The following PLGRKT variants were observed in gnomAD, a reference collection of about 807,000 sequenced individuals.
PLGRKT encodes the protein plasminogen receptor (KT).
In PLGRKT, 22 loss-of-function variants were observed where a neutral mutation model predicts 18.5. The observed-to-expected ratio is 1.19, with a 90% CI of 0.85 to 1.70. The LOEUF is 1.70. Among genes scored for constraint, PLGRKT ranks in the 40% most tolerant of loss-of-function variants. The probability of loss-of-function intolerance (pLI) is 0.00; values close to 1 mark genes in which losing one functional copy is unlikely to be tolerated. For synonymous variants in PLGRKT, 72 were observed against 52.8 expected (o/e 1.36, Z -1.58); for missense variants, 235 against 174.4 (o/e 1.35, Z -1.96).
chr9:5,411,894 A>C (rs73397140), intron 3 of PLGRKT, among the ~76,000 whole-genome samples: 1 of 152,218 alleles, frequency 6.6e-6, no homozygotes, highest in African/African-American at 2.4e-5. Flanking sequence ...AAATAAACTT[A>C]TAAGTTAATA....
intron 3 of PLGRKT, among the ~76,000 whole-genome samples, chr9:5,424,668 T>TTATATATATATATATGTA (rs1554634175): frequency 8.8e-6 from 1 of 113,170 alleles, no homozygotes; most frequent in African/African-American, 4.1e-5. Flanking sequence ...ATTATATATT[T>TTATATATATATATATGTA]TATATATATA....
Position 5,395,099 on chromosome 9 carries a change from G to C in PLGRKT, c.82-33211C>G, listed in dbSNP as rs145334367. Among the ~76,000 whole-genome samples, 177 of 134,102 alleles carry C rather than the reference G, an allele frequency of 1.3e-3. 2 individuals are homozygous for C. The highest frequency in any genetic ancestry group is 2.3e-3 in the Non-Finnish European group (146 of 62,246). 88.0% of individuals were successfully genotyped at this position (134,102 alleles called of 152,430 possible). ...CTTAGATTTTCCTAGTGGTGAAAAG[G>C]CTTTGCAAAAAAAAAAAAACTTAAT... On this transcript the variant is annotated intron_variant, in intron 3 of 5. Coordinates refer to ENST00000223864, the MANE Select transcript of PLGRKT (RefSeq NM_018465.4).
chr9:5,417,544 T>C (rs917866874), intron 3 of PLGRKT, among the ~76,000 whole-genome samples: 2 of 151,224 alleles, frequency 1.3e-5, no homozygotes, highest in South Asian at 4.2e-4. Context: ...ATTGAAAATG[T>C]GTGTGTCAAG....
intron 3 of PLGRKT, among the ~76,000 whole-genome samples, chr9:5,362,464 T>G (rs1817288682): frequency 6.6e-6 from 1 of 152,156 alleles, no homozygotes; most frequent in Admixed American, 6.5e-5. Context: ...GGCAGATGGC[T>G]CAGAACAGAG....
intron 3 of PLGRKT, among the ~76,000 whole-genome samples, chr9:5,404,023 T>C (rs888294055): frequency 6.6e-6 from 1 of 151,928 alleles, no homozygotes; most frequent in African/African-American, 2.4e-5. Context: ...AACTAGAAAA[T>C]CTAGAAGAAA....
intron 3 of PLGRKT, among the ~76,000 whole-genome samples, chr9:5,375,877 G>C (rs1487700305): frequency 6.6e-6 from 1 of 152,104 alleles, no homozygotes; most frequent in Non-Finnish European, 1.5e-5. Flanking sequence ...TGAAAGCAGG[G>C]ACTTGGACAG....
Position 5,361,148 on chromosome 9 carries a change from A to G in PLGRKT, c.252T>C (p.Ile84=). The G allele has an allele frequency of 6.2e-7, 1 of 1,611,388 alleles. No individual in the cohort carries two copies. The highest frequency in any genetic ancestry group is 8.5e-7 in the Non-Finnish European group (1 of 1,177,954). Residue 84 remains isoleucine (I), a synonymous_variant, in exon 5 of 6, where the codon ATT becomes ATC. Coordinates refer to ENST00000223864, the MANE Select transcript of PLGRKT (RefSeq NM_018465.4). ...AGGTGAGGATAAAGCTTAATGGAAC[A>G]ATCGGGACCAGGAAGGCTGGCTTCT... ...KKKKPAFLVP[I]VPLSFILTYQ... is the part of the protein sequence containing the mutation.
intron 3 of PLGRKT, among the ~76,000 whole-genome samples, chr9:5,416,831 T>C (rs1389134604): frequency 2.0e-5 from 3 of 152,194 alleles, no homozygotes; most frequent in Non-Finnish European, 4.4e-5. Context: ...TTATCTACCT[T>C]TGTAGAAAAG....
chr9:5,364,789 C>G (rs1312462949), intron 3 of PLGRKT, among the ~76,000 whole-genome samples: 1 of 152,136 alleles, frequency 6.6e-6, no homozygotes, highest in Non-Finnish European at 1.5e-5. Context: ...AGTAAATTGA[C>G]AGAAGATGGT....
intron 2 of PLGRKT, among the ~76,000 whole-genome samples, chr9:5,435,523 G>A (rs890869911): frequency 2.0e-5 from 3 of 152,058 alleles, no homozygotes; most frequent in Non-Finnish European, 4.4e-5. Flanking sequence ...CTCAAAAATG[G>A]AAAAACATAC....
rs1438548638 is a variant in PLGRKT at position 5,361,853 on chromosome 9, C to T, written c.117G>A (p.Arg39=). The part of the protein sequence containing the change: ...ERQLIMQSEM[R]ERQMAMQIAW... ...CAATCTGCATGGCCATTTGTCTTTC[C>T]CTCATTTCACTCTGCATGATGAGCT... Residue 39 remains arginine, a synonymous_variant, in exon 4 of 6, where the codon AGG becomes AGA. Coordinates refer to ENST00000223864, the MANE Select transcript of PLGRKT (RefSeq NM_018465.4). 1 of 1,612,950 alleles carries T rather than the reference C, an allele frequency of 6.2e-7. No individual in the cohort carries two copies. The highest frequency in any genetic ancestry group is 2.2e-5 in the East Asian group (1 of 44,830).
At chr9:5,432,441 A>C (rs1818845860) in intron 2 of PLGRKT, among the ~76,000 whole-genome samples, 1 of 152,200 alleles carries the variant, frequency 6.6e-6, no homozygotes, top group Non-Finnish European at 1.5e-5. Flanking sequence ...TCTTAAGAAC[A>C]TATTTCTTTG....
rs1459262577 is a variant in PLGRKT at position 5,424,520 on chromosome 9, AATAT to A, written c.81+7373_81+7376del. On this transcript the variant is annotated intron_variant, in intron 3 of 5. Coordinates refer to ENST00000223864, the MANE Select transcript of PLGRKT (RefSeq NM_018465.4). ...ATTAACATATAATATATAACATATA[AATAT>A]ATATTATTAACATATATGTTAATAT... Among the ~76,000 whole-genome samples, 27 of 110,826 alleles carry A rather than the reference AATAT, an allele frequency of 2.4e-4. No individual in the cohort carries two copies. The East Asian group carries it at 4.5e-3, about 19-fold the overall frequency. 72.7% of individuals were successfully genotyped at this position (110,826 alleles called of 152,430 possible). A position where few individuals can be genotyped will look rare whatever the true frequency, so the allele number is the denominator to read the frequency against.
chr9:5,376,082 G>A (rs1239663675), intron 3 of PLGRKT, among the ~76,000 whole-genome samples: 1 of 152,224 alleles, frequency 6.6e-6, no homozygotes, highest in Non-Finnish European at 1.5e-5. Context: ...GTTTTGCTAA[G>A]TGAAACAAAC....
chr9:5,433,519 G>A lies in PLGRKT; in HGVS notation c.-6-1536C>T, dbSNP rs113132597. The stretch of plus-strand genomic sequence containing the variant: ...CCACCCATCGTCTGGGATGTGAGGA[G>A]CGCCTTTGCCCGGCCGCCCCGTCTG... On this transcript the variant is annotated intron_variant, in intron 2 of 5. Coordinates refer to ENST00000223864, the MANE Select transcript of PLGRKT (RefSeq NM_018465.4). 5.9e-3 allele frequency among the ~76,000 whole-genome samples: 880 copies of A among 149,410 alleles called. 7 individuals are homozygous for A. Among genetic ancestry groups the A allele is most frequent in the African/African-American group, 0.021 (849 of 40,142 alleles).
At chr9:5,378,961 C>T (rs999678657) in intron 3 of PLGRKT, among the ~76,000 whole-genome samples, 2 of 151,834 alleles carry the variant, frequency 1.3e-5, no homozygotes, top group Admixed American at 6.6e-5. Context: ...AATAAAACAT[C>T]CCAATAAATT....
At chr9:5,366,582 G>A (rs931672317) in intron 3 of PLGRKT, among the ~76,000 whole-genome samples, 1 of 152,058 alleles carries the variant, frequency 6.6e-6, no homozygotes, top group African/African-American at 2.4e-5. Context: ...ACTAGGCATC[G>A]AAGGAACATA....
chr9:5,404,991 A>T (rs1818228294), intron 3 of PLGRKT, among the ~76,000 whole-genome samples: 1 of 152,168 alleles, frequency 6.6e-6, no homozygotes, highest in Non-Finnish European at 1.5e-5. Context: ...ACAATAGACA[A>T]GCAGAGAGCC....
At chr9:5,427,199 T>C (rs920254331) in intron 3 of PLGRKT, among the ~76,000 whole-genome samples, 12 of 152,218 alleles carry the variant, frequency 7.9e-5, no homozygotes, top group Non-Finnish European at 1.6e-4. Flanking sequence ...TTGTCTAGTG[T>C]AGCCAAGCTG....
Sources: gnomAD v4.1 joint callset for allele counts (sites outside exome capture counted in the v4.1 genomes callset) on GRCh38, gnomAD v4.1.1 for gene constraint, MANE v1.5 for transcripts, NCBI Gene and HGNC (gene_info 2026-07-23, HGNC 2026-07-21) for gene names.